Variants in NCKAP5 observed in about 807,000 individuals in gnomAD.
NCKAP5 encodes the protein NCK associated protein 5.
Under a neutral mutation model 167.0 loss-of-function variants are expected in NCKAP5, and 92 were observed. The ratio of observed to expected loss-of-function variants is 0.55; its 90% confidence interval spans 0.47 to 0.66. NCKAP5 has a LOEUF of 0.66. Among genes scored for constraint, NCKAP5 ranks in the 30% least tolerant of loss-of-function variants. The probability of loss-of-function intolerance (pLI) is 0.00; values close to 1 mark genes in which losing one functional copy is unlikely to be tolerated. For missense variants in NCKAP5, 2,378 were observed against 2,315.0 expected (o/e 1.03, Z -0.56); for synonymous variants, 891 against 877.4 (o/e 1.02, Z -0.27).
intron 19 of NCKAP5, among the ~76,000 whole-genome samples, chr2:132,689,138 G>T (rs1686381951): frequency 6.6e-6 from 1 of 152,116 alleles, no homozygotes; most frequent in Non-Finnish European, 1.5e-5. Context: ...AACCAGAAGG[G>T]CATGGAACCA....
chr2:132,901,661 T>G (rs1038838404), intron 8 of NCKAP5, among the ~76,000 whole-genome samples: 9 of 152,238 alleles, frequency 5.9e-5, no homozygotes, highest in Admixed American at 5.9e-4. Context: ...TTAAAATCCC[T>G]TAAAAATAGC....
chr2:133,582,817 ACTCT>A, the NCKAP5 span, among the ~76,000 whole-genome samples: 4 of 151,994 alleles, frequency 2.6e-5, no homozygotes, highest in Non-Finnish European at 5.9e-5. Context: ...AACCTCAAAT[ACTCT>A]CTCTAAAGCC....
At chr2:133,047,451 A>G (rs1559084899) in intron 6 of NCKAP5, among the ~76,000 whole-genome samples, 1 of 152,264 alleles carries the variant, frequency 6.6e-6, no homozygotes, top group Non-Finnish European at 1.5e-5. Flanking sequence ...TGAAAAAGAC[A>G]ATGAAAGAAA....
At chr2:132,814,988 C>T (rs542961307) in intron 11 of NCKAP5, among the ~76,000 whole-genome samples, 1 of 152,278 alleles carries the variant, frequency 6.6e-6, no homozygotes, top group African/African-American at 2.4e-5. Flanking sequence ...AATTCCTAAT[C>T]TCCTAGGGTG....
intron 2 of NCKAP5, among the ~76,000 whole-genome samples, chr2:133,546,935 A>G (rs1171630951): frequency 1.3e-5 from 2 of 152,182 alleles, no homozygotes; most frequent in Non-Finnish European, 2.9e-5. Flanking sequence ...AACACAGAAG[A>G]CGGGTGATTT....
intron 5 of NCKAP5, among the ~76,000 whole-genome samples, chr2:133,173,045 G>A (rs2149998323): frequency 6.6e-6 from 1 of 152,216 alleles, no homozygotes; most frequent in African/African-American, 2.4e-5. Context: ...TCAGGCAGAA[G>A]GTTCAGGTTC....
chr2:133,565,572 A>C (rs1461891378), intron 1 of NCKAP5, among the ~76,000 whole-genome samples: 1 of 152,192 alleles, frequency 6.6e-6, no homozygotes, highest in Non-Finnish European at 1.5e-5. Context: ...GTTTTCAGTC[A>C]CTGTGCTGTG....
At chr2:132,951,754 A>G (rs964761151) in intron 8 of NCKAP5, among the ~76,000 whole-genome samples, 1 of 152,176 alleles carries the variant, frequency 6.6e-6, no homozygotes, top group African/African-American at 2.4e-5. Context: ...TTTTCCCCCA[A>G]GGCTATGTAA....
At chr2:133,123,956 A>G (rs909337039) in intron 6 of NCKAP5, among the ~76,000 whole-genome samples, 4 of 152,166 alleles carry the variant, frequency 2.6e-5, no homozygotes, top group African/African-American at 9.7e-5. Context: ...GAACCCTAGG[A>G]TTCCATAAAG....
chr2:133,076,253 G>T lies in NCKAP5; in HGVS notation c.341+53725C>A, dbSNP rs151109022. 2.8e-3 allele frequency among the ~76,000 whole-genome samples: 424 copies of T among 152,124 alleles called. 2 individuals carry two copies. Among genetic ancestry groups the T allele is most frequent in the African/African-American group, 9.9e-3 (413 of 41,516 alleles). ...TCTATGGTTGGCCTCCATATCTGTGGAATTCAACCAGCCTCAGATTGAAAA... is the reference window on the plus strand; with the variant it reads ...TCTATGGTTGGCCTCCATATCTGTGTAATTCAACCAGCCTCAGATTGAAAA... On this transcript the variant is annotated intron_variant, in intron 6 of 19. Coordinates refer to ENST00000409261, the MANE Select transcript of NCKAP5 (RefSeq NM_207363.3).
intron 6 of NCKAP5, among the ~76,000 whole-genome samples, chr2:133,033,625 A>G (rs1211188764): frequency 6.6e-6 from 1 of 152,188 alleles, no homozygotes; most frequent in Non-Finnish European, 1.5e-5. Flanking sequence ...AACACATATA[A>G]GCAATTCAGA....
At chr2:133,139,599 T>A (rs1645227923) in intron 5 of NCKAP5, among the ~76,000 whole-genome samples, 1 of 152,150 alleles carries the variant, frequency 6.6e-6, no homozygotes, top group Admixed American at 6.5e-5. Flanking sequence ...ATTGGGAGTA[T>A]CAGTAGATTT....
intron 5 of NCKAP5, among the ~76,000 whole-genome samples, chr2:133,181,670 T>C (rs2150038016): frequency 6.7e-6 from 1 of 150,002 alleles, no homozygotes; most frequent in Non-Finnish European, 1.5e-5. Flanking sequence ...CCCAGCTACT[T>C]GGGAGGCTGA....
intron 3 of NCKAP5, among the ~76,000 whole-genome samples, chr2:133,305,837 A>G (rs935092744): frequency 3.3e-5 from 5 of 152,178 alleles, no homozygotes; most frequent in African/African-American, 1.2e-4. Context: ...TTTTTTCTCT[A>G]TGGCATTCTT....
At chr2:133,574,164 C>T in the NCKAP5 span, among the ~76,000 whole-genome samples, 1 of 152,168 alleles carries the variant, frequency 6.6e-6, no homozygotes, top group Non-Finnish European at 1.5e-5. Flanking sequence ...CTGACTTTCC[C>T]CTGTGTGAAA....
chr2:133,272,618 A>C (rs2089562592), intron 4 of NCKAP5, among the ~76,000 whole-genome samples: 1 of 152,186 alleles, frequency 6.6e-6, no homozygotes. Flanking sequence ...AATTTACCCA[A>C]GTTGAATTTG....
chr2:133,472,152 A>G (rs1273628523), intron 3 of NCKAP5, among the ~76,000 whole-genome samples: 2 of 152,164 alleles, frequency 1.3e-5, no homozygotes, highest in African/African-American at 4.8e-5. Context: ...AGCTGTAACC[A>G]GATTCTCCTT....
At chr2:133,337,674 G>T (rs907376198) in intron 3 of NCKAP5, among the ~76,000 whole-genome samples, 5 of 152,182 alleles carry the variant, frequency 3.3e-5, no homozygotes, top group Admixed American at 1.3e-4. Flanking sequence ...CAGCAAGAAG[G>T]TGGCCATCTG....
intron 3 of NCKAP5, among the ~76,000 whole-genome samples, chr2:133,450,879 T>C (rs1691508142): frequency 6.6e-6 from 1 of 152,148 alleles, no homozygotes; most frequent in African/African-American, 2.4e-5. Flanking sequence ...TGAGAAACCT[T>C]ATAAAAGGTT....
Sources: gnomAD v4.1 joint callset for allele counts (sites outside exome capture counted in the v4.1 genomes callset) on GRCh38, gnomAD v4.1.1 for gene constraint, MANE v1.5 for transcripts, NCBI Gene and HGNC (gene_info 2026-07-23, HGNC 2026-07-21) for gene names.